GAR1: variants seen among roughly 807,000 people sequenced by gnomAD.
GAR1 encodes the protein GAR1 ribonucleoprotein.
GAR1 carries 11 observed loss-of-function variants against 29.3 expected under a neutral mutation model. That is an observed-to-expected ratio of 0.38 (90% CI 0.24 to 0.62). GAR1 has a LOEUF of 0.62. Ranked by LOEUF, GAR1 falls within the 20% of genes least tolerant of loss-of-function variation. The pLI is 0.62. For missense variants in GAR1, 237 were observed against 268.4 expected (o/e 0.88, Z 0.82); for synonymous variants, 87 against 93.3 (o/e 0.93, Z 0.39).
At chr4:109,815,997 A>G (rs1447149272) in intron 1 of GAR1, 156 bp from the exon 2 acceptor site, 7 of 733,964 alleles carry the variant, frequency 9.5e-6, no homozygotes, top group Non-Finnish European at 1.7e-5. Context: ...TAAACTCTTC[A>G]CCCATCAGGT....
At chr4:109,823,740 C>T (rs376797590) in intron 5 of GAR1, among the ~76,000 whole-genome samples, 103 of 152,058 alleles carry the variant, frequency 6.8e-4, no homozygotes, top group African/African-American at 2.4e-3. Flanking sequence ...GGGGTTTTAG[C>T]CTGTTGCCCA....
At chr4:109,819,824 A>G (rs1201697096) in intron 4 of GAR1, among the ~76,000 whole-genome samples, 1 of 152,228 alleles carries the variant, frequency 6.6e-6, no homozygotes, top group Non-Finnish European at 1.5e-5. Flanking sequence ...GAGAGCAGGC[A>G]ACTGAAAGGA....
chr4:109,816,356 A>T lies in GAR1; in HGVS notation c.192A>T (p.Gln64His), dbSNP rs1318243015. Reference protein sequence around the residue: ...GRGGFNKGQDQGPPERVVLLG... With the variant: ...GRGGFNKGQDHGPPERVVLLG... Reference sequence around the variant, plus strand: ...GAGGCTTTAACAAAGGCCAAGACCAAGGACCTCCAGAACGTGTAGTCTGTA... The same window carrying T: ...GAGGCTTTAACAAAGGCCAAGACCATGGACCTCCAGAACGTGTAGTCTGTA... Residue 64 changes from glutamine (Q) to histidine (H), a missense_variant, in exon 2 of 7, where the codon CAA becomes CAT. Physicochemically the swap from Gln to His is conservative, Grantham distance 24. Coordinates refer to ENST00000226796, the MANE Select transcript of GAR1 (RefSeq NM_018983.4). 1 of 1,613,988 alleles carries T rather than the reference A, an allele frequency of 6.2e-7. No individual in the cohort carries two copies. The highest frequency in any genetic ancestry group is 8.5e-7 in the Non-Finnish European group (1 of 1,180,006).
rs758692754 is a variant in GAR1, at chr4:109,822,463, AGGTGGCAGAGGT to A, written c.558_569del (p.Arg189_Gly192del). On this transcript the variant is annotated inframe_deletion, in exon 5 of 7. Coordinates refer to ENST00000226796, the MANE Select transcript of GAR1 (RefSeq NM_018983.4). ...GAGGCCGAGGAGGAGGAAGAGGAGG[AGGTGGCAGAGGT>A]GGTGGCAGAGGCGGTAAGTTACTTG... 10 of 1,601,040 alleles carry A rather than the reference AGGTGGCAGAGGT, an allele frequency of 6.2e-6. No individual in the cohort carries two copies. The highest frequency in any genetic ancestry group is 4.0e-5 in the African/African-American group (3 of 74,448).
chr4:109,822,815 T>G (rs1444988526), intron 5 of GAR1, among the ~76,000 whole-genome samples: 1 of 152,238 alleles, frequency 6.6e-6, no homozygotes, highest in Non-Finnish European at 1.5e-5. Context: ...TGCTGAAAGC[T>G]GGTCATACAT....
At position 109,824,439 on chromosome 4, in the gene GAR1, A is replaced by G; in HGVS notation, c.*8A>G. ...TCAGGGAGAGGACATTAAGTGAAAC[A>G]GTTGACAGACATCACCAGTTGACTT... On this transcript the variant is annotated 3_prime_UTR_variant, in exon 7 of 7. Coordinates refer to ENST00000226796, the MANE Select transcript of GAR1 (RefSeq NM_018983.4). The G allele has an allele frequency of 6.3e-7, 1 of 1,587,570 alleles. No homozygotes were observed.
At chr4:109,822,635 A>T in intron 5 of GAR1, 147 bp downstream of exon 5, 1 of 720,738 alleles carries the variant, frequency 1.4e-6, no homozygotes, top group Non-Finnish European at 2.1e-6. Context: ...ATTGTCCATA[A>T]TAATAATGCT....
At chr4:109,815,584 T>G (rs1398261036), upstream of GAR1, 1 of 158,980 alleles carries the variant, frequency 6.3e-6, no homozygotes, top group East Asian at 1.9e-4. Context: ...TGGTTAAGGT[T>G]ATCTATTATT....
chr4:109,815,938 C>T, intron 1 of GAR1, 134 bp downstream of exon 1: 1 of 592,948 alleles, frequency 1.7e-6, no homozygotes, highest in East Asian at 2.8e-5. Context: ...AATCATGGGG[C>T]GGCAAGGGTG....
At position 109,816,136 on chromosome 4, in the gene GAR1, C is replaced by T; in HGVS notation, c.-12-17C>T. On this transcript the variant is annotated splice_polypyrimidine_tract_variant and intron_variant, in intron 1 of 6. Coordinates refer to ENST00000226796, the MANE Select transcript of GAR1 (RefSeq NM_018983.4). ...GCTACAGTGATCAGAAGACATAGGT[C>T]GTTTTTTTTTCATCAGGGAGGAGAG... 9 of 1,569,166 alleles carry T rather than the reference C, an allele frequency of 5.7e-6. No homozygotes were observed. The highest frequency in any genetic ancestry group is 7.9e-6 in the Non-Finnish European group (9 of 1,143,504).
rs1733397727 is a variant in GAR1, at chr4:109,817,903, TC to T, written c.215-32del. ...GTTGGTCAGTATCGTTTGAAATAGT[TC>T]TATGTTTTAACATTTTCTTGTCCTG... On this transcript the variant is annotated intron_variant, in intron 2 of 6. Transcript: ENST00000226796. 2.5e-6 allele frequency: 4 copies of T among 1,569,414 alleles called. No homozygotes were observed. The East Asian group carries it at 9.0e-5, about 35-fold the overall frequency.
chr4:109,821,824 A>G (rs910366962), intron 4 of GAR1, among the ~76,000 whole-genome samples: 10 of 152,190 alleles, frequency 6.6e-5, no homozygotes, highest in African/African-American at 2.4e-4. Flanking sequence ...ATCATCACAC[A>G]AACATGTGAG....
In GAR1 at chr4:109,824,708, T is replaced by A. The variant is rs1369180300; in HGVS notation, c.*277T>A. The stretch of plus-strand genomic sequence containing the variant: ...AGTTTTCATTTGAAGCATATTTGAA[T>A]TTTTAAAATAAAGTGTTTTATTCCC... On this transcript the variant is annotated 3_prime_UTR_variant, in exon 7 of 7. Coordinates refer to ENST00000226796, the MANE Select transcript of GAR1 (RefSeq NM_018983.4). 1 of 328,464 alleles carries A rather than the reference T, an allele frequency of 3.0e-6. No homozygotes were observed. 20.3% of individuals were successfully genotyped at this position (328,464 alleles called of 1,614,324 possible). A position where few individuals can be genotyped will look rare whatever the true frequency, so the allele number is the denominator to read the frequency against.
rs753291060 is a variant in GAR1 at position 109,816,325 on chromosome 4, G to A, written c.161G>A (p.Gly54Asp). 6.2e-7 allele frequency: 1 copy of A among 1,613,588 alleles called. No homozygotes were observed. The highest frequency in any genetic ancestry group is 1.1e-5 in the South Asian group (1 of 91,042). The part of the protein sequence containing the change: ...GGRGGFGRGG[G>D]RGGFNKGQDQ... Reference sequence around the variant, plus strand: ...AGGGGAGGATTTGGACGAGGGGGTGGCCGCGGAGGCTTTAACAAAGGCCAA... The same window carrying A: ...AGGGGAGGATTTGGACGAGGGGGTGACCGCGGAGGCTTTAACAAAGGCCAA... The change falls in exon 2 of 7, where the codon GGC (glycine) becomes GAC (aspartate). Residue 54 changes from glycine to aspartate, a missense_variant. Physicochemically the swap from Gly to Asp is moderately conservative, Grantham distance 94 (BLOSUM62 -1). Transcript: ENST00000226796.
chr4:109,818,403 GC>G (rs568608993), intron 3 of GAR1, among the ~76,000 whole-genome samples: 26 of 151,962 alleles, frequency 1.7e-4, no homozygotes, highest in South Asian at 1.0e-3. Context: ...GTTGTTTGGT[GC>G]CCCCACTACT....
Position 109,816,324 on chromosome 4 carries a change from G to C in GAR1, c.160G>C (p.Gly54Arg), listed in dbSNP as rs767757484. 5 of 1,613,494 alleles carry C rather than the reference G, an allele frequency of 3.1e-6. No homozygotes were observed. In the Admixed American group the frequency reaches 5.0e-5, roughly 16 times the overall value. The change falls in exon 2 of 7, where the codon GGC becomes CGC. Residue 54 changes from glycine to arginine, a missense_variant. By Grantham distance (125) the Gly-to-Arg change is moderately radical. Coordinates refer to ENST00000226796, the MANE Select transcript of GAR1 (RefSeq NM_018983.4). ...GGRGGFGRGG[G>R]RGGFNKGQDQ... ...CAGGGGAGGATTTGGACGAGGGGGT[G>C]GCCGCGGAGGCTTTAACAAAGGCCA...
Position 109,819,053 on chromosome 4 carries a change from TA to T in GAR1, c.423del (p.Gln142ArgfsTer5). On this transcript the variant is annotated frameshift_variant, in exon 4 of 7. Transcript: ENST00000226796. LOFTEE classifies it high-confidence loss of function. ...ENMKASSFKK[L>X]QKFYIDPYKL... is the part of the protein sequence containing the mutation. ...ATGAAGGCTTCATCCTTTAAAAAACTACAGAAGGTGAGTCAAACTTATGATA... is the reference window on the plus strand; with the variant it reads ...ATGAAGGCTTCATCCTTTAAAAAACTCAGAAGGTGAGTCAAACTTATGATA... The T allele has an allele frequency of 6.7e-7, 1 of 1,489,332 alleles. No homozygotes were observed. Among genetic ancestry groups the T allele is most frequent in the Non-Finnish European group, 9.4e-7 (1 of 1,067,382 alleles). 92.3% of individuals were successfully genotyped at this position (1,489,332 alleles called of 1,614,324 possible). A position where few individuals can be genotyped will look rare whatever the true frequency, so the allele number is the denominator to read the frequency against.
intron 1 of GAR1, 67 bp from the exon 2 acceptor site, chr4:109,816,086 C>T (rs962706413): frequency 2.1e-6 from 3 of 1,453,448 alleles, no homozygotes; most frequent in African/African-American, 1.4e-5. Flanking sequence ...CACCGCAGCT[C>T]CGAGGGGTTG....
upstream of GAR1, chr4:109,815,523 T>C (rs190826204): frequency 6.5e-6 from 1 of 152,956 alleles, no homozygotes; most frequent in Non-Finnish European, 1.5e-5. Context: ...CTGTTATACG[T>C]CACTTCCACG....
Sources: gnomAD v4.1 joint callset for allele counts (sites outside exome capture counted in the v4.1 genomes callset) on GRCh38, gnomAD v4.1.1 for gene constraint, MANE v1.5 for transcripts, NCBI Gene and HGNC (gene_info 2026-07-23, HGNC 2026-07-21) for gene names.